KIAA2012: variants seen among roughly 807,000 people sequenced by gnomAD.
KIAA2012 encodes the protein uncharacterized protein KIAA2012.
A neutral mutation model predicts 150.6 loss-of-function variants in KIAA2012; 125 were observed. The observed-to-expected ratio is 0.83, with a 90% CI of 0.72 to 0.96. KIAA2012 has a LOEUF of 0.96. Among genes scored for constraint, KIAA2012 ranks in the 40% least tolerant of loss-of-function variants. KIAA2012 has a pLI of 0.00. For missense variants in KIAA2012, 1,219 were observed against 1,354.9 expected, an observed-to-expected ratio of 0.90 and a Z score of 1.57; for synonymous variants, 462 against 504.7, an observed-to-expected ratio of 0.92 and a Z score of 1.13.
At chr2:202,199,748 C>G (rs1403053955) in intron 22 of KIAA2012, among the ~76,000 whole-genome samples, 3 of 152,040 alleles carry the variant, frequency 2.0e-5, no homozygotes, top group African/African-American at 7.2e-5. Context: ...GTGAGGCATT[C>G]ACAATATGAC....
intron 10 of KIAA2012, among the ~76,000 whole-genome samples, chr2:202,110,580 G>T (rs1387249104): frequency 6.6e-6 from 1 of 152,214 alleles, no homozygotes; most frequent in African/African-American, 2.4e-5. Flanking sequence ...GATGACATGT[G>T]TTTGGGGGAC....
At chr2:202,160,523 C>T (rs1053759499) in intron 14 of KIAA2012, among the ~76,000 whole-genome samples, 6 of 151,996 alleles carry the variant, frequency 3.9e-5, no homozygotes, top group Admixed American at 1.3e-4. Flanking sequence ...CCATGTTAGC[C>T]AGCATGGTCT....
rs1326333393 is a variant in KIAA2012, at chr2:202,113,349, C to T, written c.1665C>T (p.Asp555=). The change falls in exon 11 of 24, where the codon GAC becomes GAT. Residue 555 remains aspartate, a synonymous_variant. Coordinates refer to ENST00000498697, the MANE Select transcript of KIAA2012 (RefSeq NM_001277372.4). ...CTTATTTTCAAGAAGATTCCAGCGA[C>T]CCTACACTGGGACACTTCTTGCTGG... ...ALPAAQEDSS[D]PTLGHFLLGP... is the part of the protein sequence containing the mutation. The T allele has an allele frequency of 1.3e-6, 2 of 1,550,538 alleles. No individual in the cohort carries two copies. Among genetic ancestry groups the T allele is most frequent in the Non-Finnish European group, 1.7e-6 (2 of 1,146,896 alleles).
chr2:202,113,825 T>C (rs1360552554), intron 11 of KIAA2012: 1 of 178,450 alleles, frequency 5.6e-6, no homozygotes, highest in Non-Finnish European at 1.2e-5. Context: ...GGTAATCCAA[T>C]CAGGTATCCT....
chr2:202,179,215 A>G lies in KIAA2012; in HGVS notation c.2120-5538A>G, dbSNP rs115299507. The stretch of plus-strand genomic sequence containing the variant: ...TGTCTATCTGATTCAAATTGGTACA[A>G]ATTTTCTAGGGAACAATTTGGCAGT... On this transcript the variant is annotated intron_variant, in intron 15 of 23. Coordinates refer to ENST00000498697, the MANE Select transcript of KIAA2012 (RefSeq NM_001277372.4). The G allele has an allele frequency of 1.9e-3, 1,271 of 652,254 alleles. 11 individuals carry two copies. Among genetic ancestry groups the G allele is most frequent in the African/African-American group, 0.019 (1,055 of 54,978 alleles). 40.4% of individuals were successfully genotyped at this position (652,254 alleles called of 1,614,324 possible). A position where few individuals can be genotyped will look rare whatever the true frequency, so the allele number is the denominator to read the frequency against.
chr2:202,114,503 G>A (rs899137143), intron 11 of KIAA2012: 1 of 167,144 alleles, frequency 6.0e-6, no homozygotes, highest in Non-Finnish European at 1.5e-5. Flanking sequence ...GCAACAGCTG[G>A]AAAGCAAATA....
At chr2:202,199,160 G>C (rs1692466909) in intron 22 of KIAA2012, among the ~76,000 whole-genome samples, 1 of 152,132 alleles carries the variant, frequency 6.6e-6, no homozygotes, top group African/African-American at 2.4e-5. Context: ...AGGAATGAGG[G>C]GAAGAGCCTC....
At chr2:202,105,628 G>A in intron 8 of KIAA2012, 133 bp from the exon 9 acceptor site, 1 of 1,210,748 alleles carries the variant, frequency 8.3e-7, no homozygotes, top group Non-Finnish European at 1.1e-6. Context: ...AGCCCTCTCT[G>A]GAATCAGCAA....
At chr2:202,118,371 A>G (rs1014068081) in intron 11 of KIAA2012, among the ~76,000 whole-genome samples, 5 of 152,172 alleles carry the variant, frequency 3.3e-5, no homozygotes, top group African/African-American at 1.2e-4. Flanking sequence ...GTGTTCCTGT[A>G]CTACAGAGGC....
rs979806278 is a variant in KIAA2012 at position 202,196,933 on chromosome 2, G to A, written c.3321G>A (p.Leu1107=). 1.3e-6 allele frequency: 2 copies of A among 1,550,572 alleles called. No individual in the cohort carries two copies. Among genetic ancestry groups the A allele is most frequent in the Admixed American group, 2.0e-5 (1 of 50,984 alleles). Reference sequence around the variant, plus strand: ...AGGAAGCAGAAGAGAAGGCTCGGCTGGAGGCAGAGGAGAGGAGGCAAAAAG... The same window carrying A: ...AGGAAGCAGAAGAGAAGGCTCGGCTAGAGGCAGAGGAGAGGAGGCAAAAAG... ...RKQEAEEKAR[L]EAEERRQKEE... is the part of the protein sequence containing the mutation. Residue 1107 remains leucine, a synonymous_variant, in exon 22 of 24, where the codon CTG becomes CTA. Coordinates refer to ENST00000498697, the MANE Select transcript of KIAA2012 (RefSeq NM_001277372.4).
rs147876354 is a variant in KIAA2012, at chr2:202,074,295, C to T, written c.84+584C>T. On this transcript the variant is annotated intron_variant, in intron 1 of 23. Transcript: ENST00000498697. Reference sequence around the variant, plus strand: ...AAATTTGGGGGTCATACAGAGATTTCCATTGTCATGGTACTTTGTCATGAT... The same window carrying T: ...AAATTTGGGGGTCATACAGAGATTTTCATTGTCATGGTACTTTGTCATGAT... Among the ~76,000 whole-genome samples, 181 of 152,190 alleles carry T rather than the reference C, an allele frequency of 1.2e-3. 1 individual carries two copies. The highest frequency in any genetic ancestry group is 3.4e-3 in the Middle Eastern group (1 of 294).
At chr2:202,112,520 C>T (rs1013083178) in intron 10 of KIAA2012, among the ~76,000 whole-genome samples, 7 of 152,180 alleles carry the variant, frequency 4.6e-5, no homozygotes, top group African/African-American at 1.7e-4. Flanking sequence ...TAGAGCTGGT[C>T]GGTCAGAAGT....
intron 12 of KIAA2012, among the ~76,000 whole-genome samples, chr2:202,127,448 G>A (rs1391024837): frequency 6.6e-6 from 1 of 152,204 alleles, no homozygotes; most frequent in Non-Finnish European, 1.5e-5. Flanking sequence ...AAACAAAGGT[G>A]AGTAATTTGG....
chr2:202,160,595 G>A (rs916342601), intron 14 of KIAA2012, among the ~76,000 whole-genome samples: 7 of 152,246 alleles, frequency 4.6e-5, no homozygotes, highest in East Asian at 3.9e-4. Context: ...TTACAGGCGT[G>A]AGCCACCACG....
At chr2:202,189,778 T>G (rs1443505852) in intron 18 of KIAA2012, among the ~76,000 whole-genome samples, 2 of 151,956 alleles carry the variant, frequency 1.3e-5, no homozygotes, top group Non-Finnish European at 2.9e-5. Flanking sequence ...GTGATTCCAT[T>G]GCATGCTAAC....
chr2:202,076,786 C>T, intron 2 of KIAA2012: 1 of 357,418 alleles, frequency 2.8e-6, no homozygotes, highest in East Asian at 7.7e-5. Flanking sequence ...CGAAGGGACT[C>T]CAGTGGTCCA....
intron 15 of KIAA2012, among the ~76,000 whole-genome samples, chr2:202,174,981 TTTCAAAG>T (rs1691962118): frequency 6.6e-6 from 1 of 152,228 alleles, no homozygotes; most frequent in Non-Finnish European, 1.5e-5. Flanking sequence ...TTCAGTCAGT[TTTCAAAG>T]TTCAAATTGT....
intron 15 of KIAA2012, chr2:202,179,198 T>A: frequency 1.7e-6 from 1 of 600,680 alleles, no homozygotes; most frequent in Non-Finnish European, 3.1e-6. Flanking sequence ...TGTGTCTATC[T>A]GATTCAAATT....
At chr2:202,187,207 G>A in intron 17 of KIAA2012, 109 bp downstream of exon 17, 1 of 1,206,998 alleles carries the variant, frequency 8.3e-7, no homozygotes, top group Admixed American at 2.6e-5. Flanking sequence ...CCCGATAAAG[G>A]GGATGAGGGG....
Sources: gnomAD v4.1 joint callset for allele counts (sites outside exome capture counted in the v4.1 genomes callset) on GRCh38, gnomAD v4.1.1 for gene constraint, MANE v1.5 for transcripts, NCBI Gene and HGNC (gene_info 2026-07-23, HGNC 2026-07-21) for gene names.